The following NFKB1 variants were observed in gnomAD, a reference collection of about 807,000 sequenced individuals.
NFKB1 encodes nuclear factor NF-kappa-B p105 subunit.
NFKB1 carries 9 observed loss-of-function variants against 105.1 expected under a neutral mutation model. The observed-to-expected ratio is 0.09, with a 90% confidence interval of 0.05 to 0.15. NFKB1 has a LOEUF of 0.15. Among genes scored for constraint, NFKB1 ranks in the 10% least tolerant of loss-of-function variants. The pLI is 1.00. For missense variants in NFKB1, 830 were observed against 1,203.7 expected (o/e 0.69, Z 4.59); for synonymous variants, 440 against 442.2 (o/e 1.00, Z 0.06).
chr4:102,605,111 A>G (rs890006725), intron 16 of NFKB1, among the ~76,000 whole-genome samples: 2 of 151,960 alleles, frequency 1.3e-5, no homozygotes, highest in Non-Finnish European at 2.9e-5. Context: ...TCCTTTTCCC[A>G]TCTCCCCAAG....
intron 5 of NFKB1, among the ~76,000 whole-genome samples, chr4:102,563,586 A>T (rs1256499804): frequency 6.6e-6 from 1 of 152,138 alleles, no homozygotes; most frequent in East Asian, 1.9e-4. Context: ...AAGGCTTTAC[A>T]TGCATTAATG....
intron 15 of NFKB1, among the ~76,000 whole-genome samples, chr4:102,598,368 A>G (rs1726821914): frequency 6.6e-6 from 1 of 152,254 alleles, no homozygotes; most frequent in Admixed American, 6.5e-5. Context: ...CAGCCTTCAC[A>G]TTCAAGTCAA....
In NFKB1 at chr4:102,593,487, G is replaced by A. The variant is rs1024890793; in HGVS notation, c.1129G>A (p.Gly377Ser). The change falls in exon 12 of 24, where the codon GGT (glycine) becomes AGT (serine). Residue 377 changes from glycine to serine, a missense_variant. Physicochemically the swap from Gly to Ser is moderately conservative, Grantham distance 56. Around this residue, in one of 8 missense-constraint regions of NFKB1, gnomAD observed 163 missense variants for 164.3 expected, o/e 0.99. Transcript: ENST00000226574. ...GCCCAATTTTTCGGATAGTTTCGGC[G>A]GTGGTAGTGGTGCTGGAGCTGGAGG... ...LMPNFSDSFG[G>S]GSGAGAGGGG... 69 of 1,613,650 alleles carry A rather than the reference G, an allele frequency of 4.3e-5. No homozygotes were observed. Among genetic ancestry groups the A allele is most frequent in the Non-Finnish European group, 5.0e-5 (59 of 1,179,782 alleles).
rs7679842 is a variant in NFKB1, at chr4:102,528,175, T to A, written c.40-1661T>A. 2.3e-3 allele frequency among the ~76,000 whole-genome samples: 356 copies of A among 152,222 alleles called. 1 individual carries two copies. The highest frequency in any genetic ancestry group is 8.4e-3 in the African/African-American group (349 of 41,546). ...TGAAGAGTATATCTCTCTCCTAAGG[T>A]GAGCCCTTTTGCCCACTCGCCAGTC... On this transcript the variant is annotated intron_variant, in intron 2 of 23. Coordinates refer to ENST00000226574, the MANE Select transcript of NFKB1 (RefSeq NM_003998.4).
intron 1 of NFKB1, among the ~76,000 whole-genome samples, chr4:102,517,158 C>T (rs1241501932): frequency 6.6e-6 from 1 of 152,138 alleles, no homozygotes; most frequent in Non-Finnish European, 1.5e-5. Context: ...TGTGTAAAGC[C>T]TTTCTTTGTG....
intron 19 of NFKB1, among the ~76,000 whole-genome samples, chr4:102,608,707 A>G (rs1299755117): frequency 6.6e-6 from 1 of 152,040 alleles, no homozygotes; most frequent in Non-Finnish European, 1.5e-5. Context: ...ATTCAAGAAA[A>G]CAAAGCAAAA....
At chr4:102,539,718 G>A (rs1349056650) in intron 5 of NFKB1, among the ~76,000 whole-genome samples, 2 of 152,160 alleles carry the variant, frequency 1.3e-5, no homozygotes, top group Non-Finnish European at 2.9e-5. Context: ...TGCAATGCCT[G>A]TGAACCCAAA....
At chr4:102,579,634 C>A (rs1452466889) in intron 8 of NFKB1, among the ~76,000 whole-genome samples, 2 of 72,540 alleles carry the variant, frequency 2.8e-5, no homozygotes, top group African/African-American at 1.1e-4. Flanking sequence ...GAGACCCCAT[C>A]TCAAAAAAAA....
At chr4:102,578,729 G>A (rs1725069272) in intron 7 of NFKB1, 152 bp from the exon 8 acceptor site, 1 of 728,702 alleles carries the variant, frequency 1.4e-6, no homozygotes, top group Non-Finnish European at 2.2e-6. Flanking sequence ...AAATGAGACT[G>A]TTTTTAACAC....
At chr4:102,521,985 G>C (rs1578716896) in intron 1 of NFKB1, among the ~76,000 whole-genome samples, 1 of 152,176 alleles carries the variant, frequency 6.6e-6, no homozygotes, top group Non-Finnish European at 1.5e-5. Context: ...ACTGGGAAAA[G>C]AGATGCAGAG....
At chr4:102,578,470 G>A (rs1560690440) in intron 7 of NFKB1, 1 of 199,852 alleles carries the variant, frequency 5.0e-6, no homozygotes, top group Non-Finnish European at 1.0e-5. Flanking sequence ...TGTGGAATGA[G>A]CTCACTCCCT....
intron 5 of NFKB1, among the ~76,000 whole-genome samples, chr4:102,542,373 A>T (rs1008421732): frequency 7.9e-5 from 12 of 151,360 alleles, no homozygotes; most frequent in African/African-American, 1.2e-4. Flanking sequence ...CTCTTTTTTT[A>T]AAAAAAATTT....
At position 102,563,553 on chromosome 4, in the gene NFKB1, A is replaced by G. The variant is rs560922466; in HGVS notation, c.259-3434A>G. Among the ~76,000 whole-genome samples the G allele has an allele frequency of 9.2e-5, 14 of 152,248 alleles. No individual in the cohort carries two copies. In the South Asian group the frequency reaches 2.9e-3, roughly 32 times the overall value. ...GACAAGTTAATGCTTTTAAACTACT[A>G]TTATTTGTTGAGCATTGTTGTAAAG... On this transcript the variant is annotated intron_variant, in intron 5 of 23. Transcript: ENST00000226574.
intron 5 of NFKB1, among the ~76,000 whole-genome samples, chr4:102,546,081 C>G (rs1722117679): frequency 1.3e-5 from 2 of 151,948 alleles, no homozygotes; most frequent in Admixed American, 1.3e-4. Flanking sequence ...TAGTGAGACC[C>G]TGTCTCTATA....
chr4:102,539,236 C>CAAAAAAAAAAAAAAAAAAAAAAA (rs550342036), intron 5 of NFKB1, among the ~76,000 whole-genome samples: 3 of 95,630 alleles, frequency 3.1e-5, no homozygotes, highest in African/African-American at 1.1e-4. Context: ...GACTCTGTCT[C>CAAAAAAAAAAAAAAAAAAAAAAA]AAAAAAAAAA....
At chr4:102,613,893 A>G (rs112753384) in intron 23 of NFKB1, among the ~76,000 whole-genome samples, 1 of 152,344 alleles carries the variant, frequency 6.6e-6, no homozygotes, top group African/African-American at 2.4e-5. Flanking sequence ...TTTACCTTAA[A>G]GAGAGAACCA....
At chr4:102,510,357 C>T (rs1229113995) in intron 1 of NFKB1, among the ~76,000 whole-genome samples, 1 of 152,158 alleles carries the variant, frequency 6.6e-6, no homozygotes, top group Non-Finnish European at 1.5e-5. Context: ...ACAGTGCTGC[C>T]AATTAACTGT....
chr4:102,580,074 A>G (rs987393941), intron 8 of NFKB1, among the ~76,000 whole-genome samples: 2 of 152,138 alleles, frequency 1.3e-5, no homozygotes, highest in African/African-American at 4.8e-5. Flanking sequence ...TAACATCCCC[A>G]TTTTCCTTAC....
At chr4:102,527,815 T>A (rs954534218) in intron 2 of NFKB1, among the ~76,000 whole-genome samples, 1 of 152,138 alleles carries the variant, frequency 6.6e-6, no homozygotes, top group Non-Finnish European at 1.5e-5. Context: ...TTTTAAACCA[T>A]CCTTTCCTGT....
Sources: gnomAD v4.1 joint callset for allele counts (sites outside exome capture counted in the v4.1 genomes callset) on GRCh38, gnomAD v4.1.1 for gene constraint, gnomAD v4.1.1 regional missense constraint, MANE v1.5 for transcripts, NCBI Gene and HGNC (gene_info 2026-07-23, HGNC 2026-07-21) for gene names.